The following KCNIP1 variants were observed in gnomAD, a reference collection of about 807,000 sequenced individuals.
KCNIP1 encodes the protein A-type potassium channel modulatory protein KCNIP1.
A neutral mutation model predicts 33.0 loss-of-function variants in KCNIP1; 18 were observed. That is an observed-to-expected ratio of 0.55 (90% CI 0.38 to 0.81). KCNIP1 has a LOEUF of 0.81. KCNIP1 is among the 30% of genes least tolerant of loss of function. The pLI is 0.00. For synonymous variants in KCNIP1, 93 were observed against 98.3 expected (o/e 0.95, Z 0.32); for missense variants, 238 against 271.6 (o/e 0.88, Z 0.87).
chr5:170,713,383 G>C (rs893477164), intron 1 of KCNIP1, among the ~76,000 whole-genome samples: 3 of 152,154 alleles, frequency 2.0e-5, no homozygotes, highest in Non-Finnish European at 4.4e-5. Flanking sequence ...GGGTAAGTAG[G>C]TATAGATCAA....
At chr5:170,592,663 A>C (rs115332132) in intron 1 of KCNIP1, among the ~76,000 whole-genome samples, 1,638 of 152,326 alleles carry the variant, frequency 0.011, 27 homozygotes, top group African/African-American at 0.037. Context: ...AAGTGGATGC[A>C]AGCTCAAGGC....
At chr5:170,446,848 G>A (rs1756128389) in intron 1 of KCNIP1, among the ~76,000 whole-genome samples, 1 of 152,130 alleles carries the variant, frequency 6.6e-6, no homozygotes, top group South Asian at 2.1e-4. Flanking sequence ...GCTTAACTGG[G>A]CCCTCACGTC....
At chr5:170,470,267 A>C (rs1756693079) in intron 1 of KCNIP1, among the ~76,000 whole-genome samples, 1 of 151,908 alleles carries the variant, frequency 6.6e-6, no homozygotes, top group Non-Finnish European at 1.5e-5. Context: ...ACCTTTCCTG[A>C]GGCTCCTCCC....
intron 1 of KCNIP1, among the ~76,000 whole-genome samples, chr5:170,415,966 A>G (rs1755318704): frequency 6.6e-6 from 1 of 152,062 alleles, no homozygotes; most frequent in Non-Finnish European, 1.5e-5. Flanking sequence ...TGCCTTGTGG[A>G]AGGCTGCTGG....
chr5:170,536,397 A>G (rs1392221932), intron 1 of KCNIP1, among the ~76,000 whole-genome samples: 1 of 149,822 alleles, frequency 6.7e-6, no homozygotes. Flanking sequence ...GACCACATCC[A>G]CTTTGGAAAA....
At chr5:170,676,098 A>AAGGGAGGAAGATGAAAGAAGGG (rs1762124454) in intron 1 of KCNIP1, among the ~76,000 whole-genome samples, 1 of 133,664 alleles carries the variant, frequency 7.5e-6, no homozygotes, top group Non-Finnish European at 1.6e-5. Context: ...TGAAAGAAGG[A>AAGGGAGGAAGATGAAAGAAGGG]AGGGAGGAAG....
intron 1 of KCNIP1, among the ~76,000 whole-genome samples, chr5:170,597,095 G>A (rs769408152): frequency 2.6e-5 from 4 of 152,210 alleles, no homozygotes; most frequent in Non-Finnish European, 4.4e-5. Flanking sequence ...CAGCTGATCC[G>A]GCTCCAGCAT....
Position 170,613,067 on chromosome 5 carries a change from G to C in KCNIP1, c.62-105691G>C, listed in dbSNP as rs186524194. ...CTGAACGTGCCTCTCCTCTGTTGAA[G>C]ACATCCCCAGAAGCTGATCCCTTTG... On this transcript the variant is annotated intron_variant, in intron 1 of 7. Transcript: ENST00000328939. 5.8e-3 allele frequency among the ~76,000 whole-genome samples: 886 copies of C among 152,300 alleles called. 37 individuals are homozygous for C. Among genetic ancestry groups the C allele is most frequent in the Admixed American group, 0.055 (845 of 15,300 alleles).
Position 170,553,459 on chromosome 5 carries a change from A to G in KCNIP1, c.61+48826A>G, listed in dbSNP as rs143942171. On this transcript the variant is annotated intron_variant, in intron 1 of 7. Transcript: ENST00000328939. Reference sequence around the variant, plus strand: ...TAACTTCTCCAAGGTAGCACTGGCCATCATTTACATCTAGGCAGACTGACC... The same window carrying G: ...TAACTTCTCCAAGGTAGCACTGGCCGTCATTTACATCTAGGCAGACTGACC... Among the ~76,000 whole-genome samples, 113 of 152,360 alleles carry G rather than the reference A, an allele frequency of 7.4e-4. 2 individuals are homozygous for G. The East Asian group carries it at 0.017, about 23-fold the overall frequency.
chr5:170,640,135 C>T (rs1323659219), intron 1 of KCNIP1, among the ~76,000 whole-genome samples: 1 of 152,204 alleles, frequency 6.6e-6, no homozygotes, highest in African/African-American at 2.4e-5. Context: ...GACTTGGTGA[C>T]AGATTTGCCA....
chr5:170,723,033 T>C (rs575365006), intron 5 of KCNIP1, among the ~76,000 whole-genome samples: 21 of 152,244 alleles, frequency 1.4e-4, no homozygotes, highest in Non-Finnish European at 2.4e-4. Context: ...AACAGATTCA[T>C]TCTCACTGGG....
At chr5:170,618,330 T>A (rs1266898921) in intron 1 of KCNIP1, among the ~76,000 whole-genome samples, 1 of 147,960 alleles carries the variant, frequency 6.8e-6, no homozygotes, top group Admixed American at 6.8e-5. Flanking sequence ...CAAAGTCATG[T>A]CCCCCATGAC....
intron 1 of KCNIP1, among the ~76,000 whole-genome samples, chr5:170,696,252 T>C (rs1047466528): frequency 8.5e-5 from 13 of 152,200 alleles, no homozygotes; most frequent in African/African-American, 2.7e-4. Context: ...TAGTCATTGA[T>C]GCCAGTATTT....
intron 1 of KCNIP1, among the ~76,000 whole-genome samples, chr5:170,600,868 A>G (rs148013278): frequency 3.9e-5 from 6 of 152,324 alleles, no homozygotes; most frequent in Non-Finnish European, 5.9e-5. Context: ...GAGATCGCAC[A>G]TATAAATTGA....
chr5:170,552,800 C>A (rs1412627319), intron 1 of KCNIP1, among the ~76,000 whole-genome samples: 1 of 152,356 alleles, frequency 6.6e-6, no homozygotes, highest in African/African-American at 2.4e-5. Flanking sequence ...CCAAGTTCAG[C>A]CGTGCTGCAG....
At chr5:170,601,709 C>A (rs1340791877) in intron 1 of KCNIP1, among the ~76,000 whole-genome samples, 1 of 152,238 alleles carries the variant, frequency 6.6e-6, no homozygotes, top group Non-Finnish European at 1.5e-5. Flanking sequence ...CACAGAAGGG[C>A]CAGATCCCAT....
chr5:170,616,703 A>G (rs573949589), intron 1 of KCNIP1, among the ~76,000 whole-genome samples: 4 of 152,298 alleles, frequency 2.6e-5, no homozygotes, highest in Non-Finnish European at 4.4e-5. Flanking sequence ...CGGACCCTCC[A>G]TGCTGCCCCA....
intron 4 of KCNIP1, 88 bp downstream of exon 4, chr5:170,721,991 A>G (rs1205713544): frequency 1.4e-6 from 2 of 1,463,300 alleles, no homozygotes; most frequent in East Asian, 2.3e-5. Flanking sequence ...GAAGGTCTGG[A>G]CCATCAAAAG....
intron 1 of KCNIP1, among the ~76,000 whole-genome samples, chr5:170,570,740 C>T (rs1455508838): frequency 6.6e-6 from 1 of 152,230 alleles, no homozygotes; most frequent in Admixed American, 6.5e-5. Flanking sequence ...GGGGAGGGCT[C>T]CTCCCAGGTG....
Sources: allele counts gnomAD v4.1 joint callset (sites outside exome capture counted in the v4.1 genomes callset), GRCh38; gene constraint gnomAD v4.1.1; transcripts MANE v1.5; gene names NCBI Gene and HGNC (gene_info 2026-07-23, HGNC 2026-07-21).